ATXN7L3: variants seen among roughly 807,000 people sequenced by gnomAD.
ATXN7L3 encodes ataxin-7-like protein 3.
A neutral mutation model predicts 50.0 loss-of-function variants in ATXN7L3; 6 were observed. That is an observed-to-expected ratio of 0.12 (90% confidence interval 0.07 to 0.24). The LOEUF is 0.24. Ranked by LOEUF, ATXN7L3 falls within the 10% of genes least tolerant of loss-of-function variation. The pLI is 1.00. For synonymous variants in ATXN7L3, 198 were observed against 165.8 expected, an observed-to-expected ratio of 1.19 and a Z score of -1.49; for missense variants, 322 against 451.3, an observed-to-expected ratio of 0.71 and a Z score of 2.60.
In ATXN7L3 at chr17:44,199,879, G is replaced by C. The variant is rs1185487082; in HGVS notation, c.-444C>G. 6.7e-6 allele frequency: 1 copy of C among 149,604 alleles called. No homozygotes were observed. The highest frequency in any genetic ancestry group is 2.5e-5 in the African/African-American group (1 of 40,768). 9.3% of individuals were successfully genotyped at this position (149,604 alleles called of 1,614,324 possible). ...CGGAGGATGGATGGATGGAGCGAGC[G>C]TGAACGCGAGCGTGCGCGCGCGCGC... is the stretch of plus-strand genomic sequence containing the variant. On this transcript the variant is annotated 5_prime_UTR_variant, in exon 1 of 13. Transcript: ENST00000587097.
Position 44,197,749 on chromosome 17 carries a change from C to A in ATXN7L3, c.52-19G>T. On this transcript the variant is annotated intron_variant, in intron 2 of 12. Coordinates refer to ENST00000587097, the MANE Select transcript of ATXN7L3 (RefSeq NM_001382309.1). ...CGATGGCCTGGGCCCCAGGGGAGAACATCTACGGTCACAAGAGTCACAGCC... is the reference window on the plus strand; with the variant it reads ...CGATGGCCTGGGCCCCAGGGGAGAAAATCTACGGTCACAAGAGTCACAGCC... 6.2e-7 allele frequency: 1 copy of A among 1,614,208 alleles called. No individual in the cohort carries two copies. The highest frequency in any genetic ancestry group is 8.5e-7 in the Non-Finnish European group (1 of 1,180,012).
In ATXN7L3 at chr17:44,193,982, T is replaced by G; in HGVS notation, c.*281A>C. 2.5e-6 allele frequency: 1 copy of G among 400,602 alleles called. No individual in the cohort carries two copies. The highest frequency in any genetic ancestry group is 4.5e-6 in the Non-Finnish European group (1 of 220,568). 24.8% of individuals were successfully genotyped at this position (400,602 alleles called of 1,614,324 possible). On this transcript the variant is annotated 3_prime_UTR_variant, in exon 13 of 13. Transcript: ENST00000587097. Reference sequence around the variant, plus strand: ...GTCAGGCCCCTGGCCTAGCTGGACATCCAGTAACTCACAGAATAAATAGGA... The same window carrying G: ...GTCAGGCCCCTGGCCTAGCTGGACAGCCAGTAACTCACAGAATAAATAGGA...
rs1235904389 is a variant in ATXN7L3, at chr17:44,199,723, C to A, written c.-288G>T. On this transcript the variant is annotated 5_prime_UTR_variant, in exon 1 of 13. Coordinates refer to ENST00000587097, the MANE Select transcript of ATXN7L3 (RefSeq NM_001382309.1). ...TCTTGTCCCGTCGCCGCCTCCTCCT[C>A]CTCACCTCACCCCGCCCGCGCGCAG... 1 of 144,454 alleles carries A rather than the reference C, an allele frequency of 6.9e-6. No individual in the cohort carries two copies. Among genetic ancestry groups the A allele is most frequent in the Non-Finnish European group, 1.5e-5 (1 of 64,770 alleles). 8.9% of individuals were successfully genotyped at this position (144,454 alleles called of 1,614,324 possible).
At chr17:44,196,599 G>A (rs945575741) in intron 5 of ATXN7L3, among the ~76,000 whole-genome samples, 181 bp from the exon 6 acceptor site, 9 of 151,798 alleles carry the variant, frequency 5.9e-5, no homozygotes, top group African/African-American at 1.7e-4. Context: ...CCAATATGGT[G>A]AAACCCCATC....
chr17:44,196,003 G>A (rs1372354967), intron 7 of ATXN7L3, 31 bp downstream of exon 7: 1 of 1,597,238 alleles, frequency 6.3e-7, no homozygotes, highest in Non-Finnish European at 8.6e-7. Context: ...GACACAGCTA[G>A]AAGCATTCCC....
At chr17:44,198,183 C>T (rs1040719361) in intron 1 of ATXN7L3, 53 bp from the exon 2 acceptor site, 8 of 1,008,690 alleles carry the variant, frequency 7.9e-6, no homozygotes, top group South Asian at 4.3e-5. Context: ...CCTCTGAATG[C>T]GGCCACCTTC....
intron 1 of ATXN7L3, 133 bp from the exon 2 acceptor site, chr17:44,198,263 C>G (rs959513956): frequency 6.8e-6 from 4 of 591,742 alleles, no homozygotes; most frequent in Non-Finnish European, 1.2e-5. Flanking sequence ...CCCAGGCTCC[C>G]TAAGTCTGGA....
rs779257342 is a variant in ATXN7L3, at chr17:44,196,906, G to C, written c.454+23C>G. ...TCCCACCTCATCCCAATGCCCCCCG[G>C]GTTTCCCCAGATCCCCAAGCACCTT... On this transcript the variant is annotated intron_variant, in intron 5 of 12. Transcript: ENST00000587097. The C allele has an allele frequency of 5.1e-6, 8 of 1,581,516 alleles. No individual in the cohort carries two copies. In the East Asian group the frequency reaches 1.3e-4, roughly 27 times the overall value.
rs2285951 is a variant in ATXN7L3 at position 44,195,541 on chromosome 17, C to T, written c.553-54G>A. On this transcript the variant is annotated intron_variant, in intron 8 of 12. Transcript: ENST00000587097. ...AGATGGGGCAGAGAAAAGAGAAGGACAGGGGTGGAAGTGAGAATCAGTCCC... is the reference window on the plus strand; with the variant it reads ...AGATGGGGCAGAGAAAAGAGAAGGATAGGGGTGGAAGTGAGAATCAGTCCC... 4,934 of 1,546,722 alleles carry T rather than the reference C, an allele frequency of 3.2e-3. 172 individuals carry two copies. In the Admixed American group the frequency reaches 0.053, roughly 17 times the overall value.
Position 44,196,579 on chromosome 17 carries a change from ACCATCCTGG to A in ATXN7L3, c.455-170_455-162del, listed in dbSNP as rs1461276021. Among the ~76,000 whole-genome samples the A allele has an allele frequency of 3.3e-5, 5 of 152,104 alleles. 1 individual carries two copies. The highest frequency in any genetic ancestry group is 3.3e-4 in the Admixed American group (5 of 15,276). ...CAGATCACGAGGTCAGAAGATCGAG[ACCATCCTGG>A]CCAATATGGTGAAACCCCATCTCTA... On this transcript the variant is annotated intron_variant, in intron 5 of 12. Transcript: ENST00000587097.
rs760051671 is a variant in ATXN7L3 at position 44,197,212 on chromosome 17, G to A, written c.356+16C>T. 2.5e-6 allele frequency: 4 copies of A among 1,584,138 alleles called. No individual in the cohort carries two copies. In the South Asian group the frequency reaches 3.5e-5, roughly 14 times the overall value. ...TGGCACAGGCTGCAGAGAACGGGCA[G>A]CTCTGGTTCCCTCACCGGCGGTTGG... On this transcript the variant is annotated intron_variant, in intron 4 of 12. Coordinates refer to ENST00000587097, the MANE Select transcript of ATXN7L3 (RefSeq NM_001382309.1).
chr17:44,195,177 G>A lies in ATXN7L3; in HGVS notation c.622-37C>T, dbSNP rs758529613. On this transcript the variant is annotated intron_variant, in intron 9 of 12. Transcript: ENST00000587097. The stretch of plus-strand genomic sequence containing the variant: ...ATATAAGCTGAAAGGAGGGATGGAA[G>A]GAACCTACTCTAGATGTTAGATGTT... 20 of 1,596,586 alleles carry A rather than the reference G, an allele frequency of 1.3e-5. No homozygotes were observed. In the African/African-American group the frequency reaches 1.6e-4, roughly 13 times the overall value.
rs765918316 is a variant in ATXN7L3 at position 44,194,768 on chromosome 17, G to A, written c.737C>T (p.Ala246Val). ...CCACCCTTCCTGTAGGGCCACTTAC[G>A]CCGAGGGCCCGAGAAAATAAATCCG... The part of the protein sequence containing the change: ...TVRIYFLGPS[A>V]VLPEVESSLD... The change falls in exon 11 of 13, where the codon GCT becomes GTT. Residue 246 changes from alanine (A) to valine (V), a missense_variant and splice_region_variant. Around this residue, in one of 5 missense-constraint regions of ATXN7L3, gnomAD observed 122 missense variants for 130.8 expected, o/e 0.93. Coordinates refer to ENST00000587097, the MANE Select transcript of ATXN7L3 (RefSeq NM_001382309.1). 9.9e-6 allele frequency: 16 copies of A among 1,613,940 alleles called. 1 individual carries two copies. The highest frequency in any genetic ancestry group is 8.3e-5 in the Admixed American group (5 of 60,002).
chr17:44,196,824 C>G lies in ATXN7L3; in HGVS notation c.454+105G>C, dbSNP rs562223314. The G allele has an allele frequency of 1.2e-4, 77 of 662,988 alleles. No individual in the cohort carries two copies. In the East Asian group the frequency reaches 2.3e-3, roughly 20 times the overall value. 41.1% of individuals were successfully genotyped at this position (662,988 alleles called of 1,614,324 possible). On this transcript the variant is annotated intron_variant, in intron 5 of 12. Coordinates refer to ENST00000587097, the MANE Select transcript of ATXN7L3 (RefSeq NM_001382309.1). ...AGGAAAAGGAAATCGCGTAACTACA[C>G]TCTCTCTTCATCATTCAAGGCAACA...
chr17:44,196,548 G>A (rs943191919), intron 5 of ATXN7L3, 130 bp from the exon 6 acceptor site: 11 of 1,155,334 alleles, frequency 9.5e-6, no homozygotes, highest in Middle Eastern at 4.1e-4. Flanking sequence ...GGGAGGCCCA[G>A]GCGGGCAGAT....
At chr17:44,195,852 AGG>A (rs1025152088) in intron 7 of ATXN7L3, 24 bp from the exon 8 acceptor site, 2 of 1,608,110 alleles carry the variant, frequency 1.2e-6, no homozygotes, top group African/African-American at 2.7e-5. Context: ...AAGAAGGGGA[AGG>A]GTGTTTGATG....
At position 44,198,709 on chromosome 17, in the gene ATXN7L3, G is replaced by A. The variant is rs527905123; in HGVS notation, c.-60-579C>T. 2.0e-5 allele frequency among the ~76,000 whole-genome samples: 3 copies of A among 150,574 alleles called. No individual in the cohort carries two copies. In the South Asian group the frequency reaches 6.3e-4, roughly 32 times the overall value. On this transcript the variant is annotated intron_variant, in intron 1 of 12. Transcript: ENST00000587097. ...AGCCCACAGGAGCCTAGAGCTAAGGGACATTTCTAGCCACCATGAGCAGGA... is the reference window on the plus strand; with the variant it reads ...AGCCCACAGGAGCCTAGAGCTAAGGAACATTTCTAGCCACCATGAGCAGGA...
Position 44,194,189 on chromosome 17 carries a change from G to A in ATXN7L3, c.*74C>T, listed in dbSNP as rs1302580437. 7.1e-6 allele frequency: 11 copies of A among 1,544,786 alleles called. No homozygotes were observed. Among genetic ancestry groups the A allele is most frequent in the Non-Finnish European group, 9.6e-6 (11 of 1,144,216 alleles). ...CCCAACCCCCAGCAGCCGTCCATTT[G>A]CCAGGCTATGCCACCTGGGTGGGGG... On this transcript the variant is annotated 3_prime_UTR_variant, in exon 13 of 13. Transcript: ENST00000587097.
At chr17:44,194,487 G>C in intron 12 of ATXN7L3, 30 bp downstream of exon 12, 1 of 1,613,096 alleles carries the variant, frequency 6.2e-7, no homozygotes, top group Non-Finnish European at 8.5e-7. Flanking sequence ...TTTGGGCACA[G>C]AGCCCCTAGG....
Sources: gnomAD v4.1 joint callset for allele counts (sites outside exome capture counted in the v4.1 genomes callset) on GRCh38, gnomAD v4.1.1 for gene constraint, gnomAD v4.1.1 regional missense constraint, MANE v1.5 for transcripts, NCBI Gene and HGNC (gene_info 2026-07-23, HGNC 2026-07-21) for gene names.